Variants in NEGR1 observed in about 807,000 individuals in gnomAD.
NEGR1 encodes IgLON family member 4.
A neutral mutation model predicts 40.9 loss-of-function variants in NEGR1; 10 were observed. The ratio of observed to expected loss-of-function variants is 0.24; its 90% CI spans 0.15 to 0.42. NEGR1 has a LOEUF of 0.42. Among genes scored for constraint, NEGR1 ranks in the 10% least tolerant of loss-of-function variants. The pLI, the probability that NEGR1 is intolerant of heterozygous loss-of-function variation, is 1.00. For missense variants in NEGR1, 352 were observed against 438.9 expected (o/e 0.80, Z 1.77); for synonymous variants, 185 against 166.8 (o/e 1.11, Z -0.84).
chr1:71,548,333 CA>C (rs1222857925), intron 6 of NEGR1, among the ~76,000 whole-genome samples: 2 of 151,630 alleles, frequency 1.3e-5, no homozygotes, highest in African/African-American at 4.8e-5. Flanking sequence ...GCTTTGGGGA[CA>C]ACACTTCACT....
intron 2 of NEGR1, among the ~76,000 whole-genome samples, chr1:71,861,512 A>G (rs1192338302): frequency 6.6e-6 from 1 of 152,044 alleles, no homozygotes; most frequent in East Asian, 1.9e-4. Context: ...TTGTCTTCAG[A>G]CTTATTTCTT....
At chr1:71,613,459 C>A (rs956570470) in intron 4 of NEGR1, among the ~76,000 whole-genome samples, 1 of 151,826 alleles carries the variant, frequency 6.6e-6, no homozygotes, top group Admixed American at 6.6e-5. Flanking sequence ...CCAGCCTGGC[C>A]AACGTGGTGA....
At chr1:71,790,866 C>G (rs1437817203) in intron 2 of NEGR1, among the ~76,000 whole-genome samples, 2 of 151,748 alleles carry the variant, frequency 1.3e-5, no homozygotes, top group African/African-American at 4.8e-5. Flanking sequence ...AGGAAAATGC[C>G]ATTAAAGGGC....
intron 2 of NEGR1, among the ~76,000 whole-genome samples, chr1:71,831,867 A>C (rs1658853460): frequency 6.6e-6 from 1 of 151,748 alleles, no homozygotes; most frequent in Non-Finnish European, 1.5e-5. Flanking sequence ...GTGTCTATGG[A>C]GCACTGTGGG....
At chr1:72,122,275 G>A (rs1204969857) in intron 1 of NEGR1, among the ~76,000 whole-genome samples, 1 of 151,954 alleles carries the variant, frequency 6.6e-6, no homozygotes, top group African/African-American at 2.4e-5. Flanking sequence ...CATTTGTTGT[G>A]TTGGCAAATG....
chr1:72,017,595 T>A (rs1646722806), intron 1 of NEGR1, among the ~76,000 whole-genome samples: 1 of 152,132 alleles, frequency 6.6e-6, no homozygotes, highest in South Asian at 2.1e-4. Flanking sequence ...TCAGTCCAAC[T>A]GGCATTATAC....
At chr1:72,035,035 A>C (rs1646890321) in intron 1 of NEGR1, among the ~76,000 whole-genome samples, 1 of 152,102 alleles carries the variant, frequency 6.6e-6, no homozygotes, top group Non-Finnish European at 1.5e-5. Context: ...CATTATGGCC[A>C]CGCCTGGTAG....
At chr1:71,596,093 TA>T (rs887183424) in intron 5 of NEGR1, among the ~76,000 whole-genome samples, 29 of 149,564 alleles carry the variant, frequency 1.9e-4, no homozygotes, top group African/African-American at 7.1e-4. Flanking sequence ...AGCTCGGAGT[TA>T]AATATGACAT....
At chr1:71,896,035 CTT>C (rs71074810) in intron 2 of NEGR1, among the ~76,000 whole-genome samples, 272 of 111,164 alleles carry the variant, frequency 2.4e-3, no homozygotes, top group African/African-American at 6.0e-3. Context: ...TAACGTTTAA[CTT>C]TTTTTTTTTT....
At chr1:71,925,307 A>G (rs1374412318) in intron 2 of NEGR1, among the ~76,000 whole-genome samples, 1 of 152,196 alleles carries the variant, frequency 6.6e-6, no homozygotes, top group East Asian at 1.9e-4. Flanking sequence ...CCAAATGCAA[A>G]CCTGCAAATG....
chr1:71,953,536 C>T (rs1462840502), intron 1 of NEGR1, among the ~76,000 whole-genome samples: 3 of 151,892 alleles, frequency 2.0e-5, no homozygotes, highest in African/African-American at 7.2e-5. Flanking sequence ...TTTGATAAAA[C>T]AACAACAGGA....
chr1:71,826,857 G>T (rs981460252), intron 2 of NEGR1, among the ~76,000 whole-genome samples: 2 of 151,898 alleles, frequency 1.3e-5, no homozygotes, highest in African/African-American at 2.4e-5. Flanking sequence ...TAATGCATTT[G>T]TAAGACCAGG....
chr1:71,611,832 C>G (rs1311913508), intron 4 of NEGR1, among the ~76,000 whole-genome samples: 2 of 152,206 alleles, frequency 1.3e-5, no homozygotes, highest in African/African-American at 2.4e-5. Flanking sequence ...ATCAGTGTCC[C>G]CATGCTCTTC....
At chr1:71,790,150 C>T (rs1417296608) in intron 2 of NEGR1, among the ~76,000 whole-genome samples, 1 of 152,026 alleles carries the variant, frequency 6.6e-6, no homozygotes, top group Non-Finnish European at 1.5e-5. Flanking sequence ...CAATTGTTGA[C>T]AGTTTAAGCA....
At chr1:71,943,916 A>AAATG (rs1394417061) in intron 1 of NEGR1, among the ~76,000 whole-genome samples, 1 of 152,240 alleles carries the variant, frequency 6.6e-6, no homozygotes, top group Non-Finnish European at 1.5e-5. Context: ...CAAAATTGAT[A>AAATG]AATGAAGCAA....
At chr1:71,677,711 C>T (rs1052953269) in intron 4 of NEGR1, among the ~76,000 whole-genome samples, 1 of 152,094 alleles carries the variant, frequency 6.6e-6, no homozygotes, top group Non-Finnish European at 1.5e-5. Flanking sequence ...AGCATGACCA[C>T]GCTGATTCTG....
intron 4 of NEGR1, among the ~76,000 whole-genome samples, chr1:71,634,779 A>C (rs1651090118): frequency 6.6e-6 from 1 of 152,106 alleles, no homozygotes; most frequent in African/African-American, 2.4e-5. Context: ...GGATTGCTGA[A>C]ATCCAAATTG....
At chr1:71,472,851 A>G (rs1006797052) in intron 6 of NEGR1, among the ~76,000 whole-genome samples, 4 of 152,104 alleles carry the variant, frequency 2.6e-5, no homozygotes, top group African/African-American at 7.2e-5. Context: ...AAAAGTATAC[A>G]TATAAAATAT....
At chr1:72,178,234 A>G (rs1429521698) in intron 1 of NEGR1, among the ~76,000 whole-genome samples, 1 of 151,882 alleles carries the variant, frequency 6.6e-6, no homozygotes, top group Non-Finnish European at 1.5e-5. Flanking sequence ...TATTTTATTG[A>G]CAGTTAATTA....
Sources: allele counts gnomAD v4.1 joint callset (sites outside exome capture counted in the v4.1 genomes callset), GRCh38; gene constraint gnomAD v4.1.1; transcripts MANE v1.5; gene names NCBI Gene and HGNC (gene_info 2026-07-23, HGNC 2026-07-21).